DNASE2B: variants seen among roughly 807,000 people sequenced by gnomAD.
DNASE2B encodes deoxyribonuclease 2 beta, also known as deoxyribonuclease-2-beta.
A neutral mutation model predicts 46.0 loss-of-function variants in DNASE2B; 43 were observed. The ratio of observed to expected loss-of-function variants is 0.94; its 90% CI spans 0.73 to 1.21. The LOEUF (loss-of-function observed/expected upper bound fraction) is 1.21, where lower values mean the gene tolerates loss of function less well. DNASE2B is among the 50% of genes most tolerant of loss of function. DNASE2B has a pLI of 0.00. For missense variants in DNASE2B, 395 were observed against 414.4 expected (o/e 0.95, Z 0.41); for synonymous variants, 156 against 152.5 (o/e 1.02, Z -0.17).
intron 2 of DNASE2B, among the ~76,000 whole-genome samples, chr1:84,403,662 T>C (rs1001724802): frequency 2.0e-5 from 3 of 152,050 alleles, no homozygotes; most frequent in Non-Finnish European, 4.4e-5. Flanking sequence ...ATGAATTCTA[T>C]CTATTTGCTT....
chr1:84,398,732 C>G, intron 1 of DNASE2B, 43 bp downstream of exon 1: 2 of 1,609,412 alleles, frequency 1.2e-6, no homozygotes, highest in Non-Finnish European at 1.7e-6. Context: ...CAAACAGCCT[C>G]GGTACAGAGT....
intron 1 of DNASE2B, among the ~76,000 whole-genome samples, chr1:84,399,513 C>T (rs1007651677): frequency 6.6e-6 from 1 of 152,150 alleles, no homozygotes; most frequent in Non-Finnish European, 1.5e-5. Flanking sequence ...ATAGGTGGAA[C>T]ACTGGGGAAC....
chr1:84,402,823 A>T (rs925870140), intron 2 of DNASE2B, among the ~76,000 whole-genome samples: 1 of 152,234 alleles, frequency 6.6e-6, no homozygotes, highest in African/African-American at 2.4e-5. Flanking sequence ...GCATTTCCTA[A>T]CAATAACTTA....
rs772304277 is a variant in DNASE2B at position 84,414,484 on chromosome 1, A to C, written c.746-44A>C. ...GAGTATATTTTCAGGGACTAATCTA[A>C]GTGTAAATACCAACCTCACTATCTT... is the stretch of plus-strand genomic sequence containing the variant. On this transcript the variant is annotated intron_variant, in intron 5 of 5. Coordinates refer to ENST00000370665, the MANE Select transcript of DNASE2B (RefSeq NM_021233.3). 2.7e-6 allele frequency: 4 copies of C among 1,505,498 alleles called. No individual in the cohort carries two copies. The South Asian group carries it at 5.4e-5, about 20-fold the overall frequency. 93.3% of individuals were successfully genotyped at this position (1,505,498 alleles called of 1,614,324 possible).
At chr1:84,414,450 T>C in intron 5 of DNASE2B, 78 bp from the exon 6 acceptor site, 1 of 1,270,038 alleles carries the variant, frequency 7.9e-7, no homozygotes, top group Non-Finnish European at 1.1e-6. Context: ...AAAGATGATT[T>C]CCATTCCAGA....
chr1:84,414,389 T>C (rs1680655715), intron 5 of DNASE2B, 139 bp from the exon 6 acceptor site: 1 of 689,680 alleles, frequency 1.4e-6, no homozygotes, highest in Admixed American at 3.2e-5. Context: ...TCATCCACTA[T>C]CTCAATTATG....
At chr1:84,399,433 T>C (rs2101845864) in intron 1 of DNASE2B, among the ~76,000 whole-genome samples, 1 of 152,124 alleles carries the variant, frequency 6.6e-6, no homozygotes, top group East Asian at 1.9e-4. Flanking sequence ...CTGTGTGGAG[T>C]TTTGAAAATA....
rs151213679 is a variant in DNASE2B, at chr1:84,410,706, G to A, written c.386-132G>A. ...TTTGAAATCTTTGAAAAATAAGCATGATCCTTGTGATTATTAGCCTAATAA... is the reference window on the plus strand; with the variant it reads ...TTTGAAATCTTTGAAAAATAAGCATAATCCTTGTGATTATTAGCCTAATAA... On this transcript the variant is annotated intron_variant, in intron 3 of 5. Transcript: ENST00000370665. The A allele has an allele frequency of 2.0e-4, 170 of 848,916 alleles. 2 individuals carry two copies. The East Asian group carries it at 3.8e-3, about 19-fold the overall frequency. 52.6% of individuals were successfully genotyped at this position (848,916 alleles called of 1,614,324 possible).
intron 3 of DNASE2B, among the ~76,000 whole-genome samples, 159 bp downstream of exon 3, chr1:84,408,677 T>A: frequency 6.6e-6 from 1 of 152,266 alleles, no homozygotes; most frequent in East Asian, 1.9e-4. Context: ...TCACTGGTTA[T>A]AATATAATTA....
At position 84,412,494 on chromosome 1, in the gene DNASE2B, G is replaced by T. The variant is rs34317968; in HGVS notation, c.693G>T (p.Ser231=). Residue 231 remains serine (S), a synonymous_variant, in exon 5 of 6, where the codon TCG becomes TCT. Transcript: ENST00000370665. ...IPGRLLTTLQ[S]AQGQKFLHFA... ...GCAGGCTCCTCACCACACTTCAGTCGGCCCAGGGACAAAAATTCCTCCATT... is the reference window on the plus strand; with the variant it reads ...GCAGGCTCCTCACCACACTTCAGTCTGCCCAGGGACAAAAATTCCTCCATT... The T allele has an allele frequency of 8.4e-4, 1,348 of 1,613,584 alleles. 7 individuals are homozygous for T. The African/African-American group carries it at 0.016, about 19-fold the overall frequency.
intron 2 of DNASE2B, among the ~76,000 whole-genome samples, chr1:84,405,260 T>C (rs1029045367): frequency 1.3e-5 from 2 of 152,236 alleles, no homozygotes; most frequent in Non-Finnish European, 1.5e-5. Flanking sequence ...TTAGAGTCTA[T>C]AGTATTCCTT....
chr1:84,411,217 A>G (rs1680585946), intron 4 of DNASE2B, among the ~76,000 whole-genome samples: 1 of 152,174 alleles, frequency 6.6e-6, no homozygotes, highest in Non-Finnish European at 1.5e-5. Flanking sequence ...TGATCAGGGC[A>G]GTAGTTTCAA....
At chr1:84,404,760 G>T (rs1413009230) in intron 2 of DNASE2B, among the ~76,000 whole-genome samples, 1 of 152,148 alleles carries the variant, frequency 6.6e-6, no homozygotes, top group Non-Finnish European at 1.5e-5. Context: ...TTAGAAAAAG[G>T]GTTTTGTTGC....
intron 4 of DNASE2B, 150 bp downstream of exon 4, chr1:84,411,149 T>G: frequency 1.0e-6 from 1 of 976,658 alleles, no homozygotes; most frequent in Non-Finnish European, 1.5e-6. Flanking sequence ...TGGTGAGGTC[T>G]TGGGCAGGCT....
chr1:84,401,555 T>C (rs1201632749), intron 1 of DNASE2B, among the ~76,000 whole-genome samples: 1 of 152,208 alleles, frequency 6.6e-6, no homozygotes. Context: ...TCATATCCAG[T>C]CAGCCAACTG....
At chr1:84,412,934 G>A (rs1269171688) in intron 5 of DNASE2B, among the ~76,000 whole-genome samples, 1 of 151,678 alleles carries the variant, frequency 6.6e-6, no homozygotes, top group East Asian at 1.9e-4. Flanking sequence ...TCACTAGGGA[G>A]AAACCACTTC....
chr1:84,411,447 T>G (rs1277040888), intron 4 of DNASE2B, among the ~76,000 whole-genome samples: 48 of 21,582 alleles, frequency 2.2e-3, no homozygotes, highest in African/African-American at 7.8e-3. Flanking sequence ...TGTGTGTGTG[T>G]GTGTGTGTGT....
intron 1 of DNASE2B, among the ~76,000 whole-genome samples, chr1:84,399,080 A>C (rs955110546): frequency 6.6e-6 from 1 of 152,216 alleles, no homozygotes; most frequent in Non-Finnish European, 1.5e-5. Flanking sequence ...TTTTTTTCTG[A>C]AAATGGAGCA....
chr1:84,405,171 GTAT>G (rs1404170423), intron 2 of DNASE2B, among the ~76,000 whole-genome samples: 1 of 151,614 alleles, frequency 6.6e-6, no homozygotes, highest in Non-Finnish European at 1.5e-5. Context: ...TCCTTTGCTG[GTAT>G]TAAATTCTCC....
Sources: gnomAD v4.1 joint callset for allele counts (sites outside exome capture counted in the v4.1 genomes callset) on GRCh38, gnomAD v4.1.1 for gene constraint, MANE v1.5 for transcripts, NCBI Gene and HGNC (gene_info 2026-07-23, HGNC 2026-07-21) for gene names.